The following FRMPD4 variants were observed in gnomAD, a reference collection of about 807,000 sequenced individuals.
FRMPD4 encodes the protein FERM and PDZ domain-containing protein 4.
FRMPD4 carries 22 observed loss-of-function variants against 94.1 expected under a neutral mutation model. The observed-to-expected ratio is 0.23, with a 90% CI of 0.17 to 0.33. The LOEUF (loss-of-function observed/expected upper bound fraction) is 0.33. Among genes scored for constraint, FRMPD4 ranks in the 10% least tolerant of loss-of-function variants. The probability of loss-of-function intolerance (pLI) is 1.00; values close to 1 mark genes in which losing one functional copy is unlikely to be tolerated. For missense variants in FRMPD4, 1,111 were observed against 1,339.9 expected (o/e 0.83, Z 2.67); for synonymous variants, 631 against 548.6 (o/e 1.15, Z -2.10).
chrX:12,332,085 T>A lies in FRMPD4; in HGVS notation c.42-166595T>A, dbSNP rs1569234733. Among the ~76,000 whole-genome samples, 121 of 62,221 alleles carry A rather than the reference T, an allele frequency of 1.9e-3. 25 individuals carry two copies. The highest frequency in any genetic ancestry group is 7.2e-3 in the African/African-American group (114 of 15,912). The allele number at this position is 62,221 out of a possible 115,157, so 54.0% of individuals were successfully genotyped here. A position where few individuals can be genotyped will look rare whatever the true frequency, so the allele number is the denominator to read the frequency against. ...AATATATAATTTATATTATATATAA[T>A]TTATATTATATATAATTTATATTAT... is the stretch of plus-strand genomic sequence containing the variant. On this transcript the variant is annotated intron_variant, in intron 1 of 16. Coordinates refer to ENST00000675598, the MANE Select transcript of FRMPD4 (RefSeq NM_001368397.1).
rs764564449 is a variant in FRMPD4 at position 12,619,955 on chromosome X, C to G, written c.422+5074C>G. On this transcript the variant is annotated intron_variant, in intron 4 of 16. Transcript: ENST00000675598. ...CACCCAGGGACACCCTGTGTCCCCT[C>G]AGGCAGGCCTACTGACCTCCATCTG... 2.0e-4 allele frequency among the ~76,000 whole-genome samples: 23 copies of G among 112,829 alleles called. No homozygotes were observed. In the East Asian group the frequency reaches 5.9e-3, roughly 29 times the overall value.
intron 5 of FRMPD4, among the ~76,000 whole-genome samples, chrX:12,680,209 G>A (rs1010006976): frequency 1.8e-5 from 2 of 112,065 alleles, no homozygotes; most frequent in African/African-American, 3.2e-5. Flanking sequence ...TTTGGAAAAT[G>A]TACAGGGGTT....
chrX:12,294,817 G>A (rs764470977), intron 1 of FRMPD4, among the ~76,000 whole-genome samples: 4 of 111,539 alleles, frequency 3.6e-5, no homozygotes, highest in Non-Finnish European at 5.7e-5. Context: ...GGGCGATAGC[G>A]CTGATCAAGG....
At chrX:12,580,543 C>T (rs1222940557) in intron 2 of FRMPD4, among the ~76,000 whole-genome samples, 1 of 112,220 alleles carries the variant, frequency 8.9e-6, no homozygotes, top group Non-Finnish European at 1.9e-5. Flanking sequence ...TAACAACATA[C>T]TATAATAAAA....
At chrX:11,850,274 AC>A (rs1396077280) in intron 1 of FRMPD4, among the ~76,000 whole-genome samples, 11 of 112,574 alleles carry the variant, frequency 9.8e-5, no homozygotes, top group Non-Finnish European at 1.1e-4. Context: ...AAAGAAACAA[AC>A]AAAAAACAGA....
chrX:12,351,366 G>C (rs1222102367), intron 1 of FRMPD4, among the ~76,000 whole-genome samples: 6 of 110,073 alleles, frequency 5.5e-5, no homozygotes, highest in Non-Finnish European at 3.8e-5. Flanking sequence ...GGTTCTTTAG[G>C]CTTGAATTTC....
intron 2 of FRMPD4, among the ~76,000 whole-genome samples, chrX:12,573,919 A>C (rs2058783611): frequency 8.9e-6 from 1 of 112,684 alleles, no homozygotes; most frequent in Non-Finnish European, 1.9e-5. Context: ...TTTTAATGTA[A>C]AGCAGTGCCA....
chrX:12,490,516 C>T (rs776083416), intron 1 of FRMPD4, among the ~76,000 whole-genome samples: 8 of 112,274 alleles, frequency 7.1e-5, no homozygotes, highest in South Asian at 3.7e-4. Context: ...ACAAACTAGG[C>T]ATTCAATCAA....
intron 9 of FRMPD4, among the ~76,000 whole-genome samples, chrX:12,701,555 C>G (rs912700544): frequency 8.9e-6 from 1 of 112,114 alleles, no homozygotes; most frequent in Non-Finnish European, 1.9e-5. Context: ...ATTATGCTAT[C>G]AATGCTGTGT....
intron 4 of FRMPD4, among the ~76,000 whole-genome samples, chrX:12,653,974 T>C (rs753179959): frequency 2.7e-5 from 3 of 111,594 alleles, no homozygotes; most frequent in Admixed American, 9.5e-5. Context: ...ACCATGTTGG[T>C]CAGGCTGGTC....
chrX:11,874,659 C>G (rs147176401), intron 2 of FRMPD4, among the ~76,000 whole-genome samples: 278 of 111,697 alleles, frequency 2.5e-3, no homozygotes, highest in African/African-American at 8.7e-3. Flanking sequence ...ACAGTGAATA[C>G]AGGTACTTGC....
intron 4 of FRMPD4, among the ~76,000 whole-genome samples, chrX:12,621,236 A>G (rs1281081022): frequency 9.0e-6 from 1 of 111,110 alleles, no homozygotes; most frequent in Non-Finnish European, 1.9e-5. Context: ...TCTAAAAAAA[A>G]GAAAACAAAA....
At chrX:12,359,704 A>C (rs1316307875) in intron 1 of FRMPD4, among the ~76,000 whole-genome samples, 2 of 111,450 alleles carry the variant, frequency 1.8e-5, no homozygotes. Context: ...TCCCGACCTC[A>C]TGATCCACCC....
At chrX:12,426,910 C>T (rs1223950536) in intron 1 of FRMPD4, among the ~76,000 whole-genome samples, 1 of 108,061 alleles carries the variant, frequency 9.3e-6, no homozygotes, top group Non-Finnish European at 1.9e-5. Context: ...GGATTAGAAT[C>T]CTGGCTCTAT....
At chrX:12,241,248 G>A (rs2057126495) in intron 1 of FRMPD4, among the ~76,000 whole-genome samples, 1 of 112,303 alleles carries the variant, frequency 8.9e-6, no homozygotes, top group African/African-American at 3.2e-5. Flanking sequence ...ATCAGGACAA[G>A]ACTGACTCAG....
At chrX:12,298,748 G>A (rs1308433075) in intron 1 of FRMPD4, among the ~76,000 whole-genome samples, 1 of 112,176 alleles carries the variant, frequency 8.9e-6, no homozygotes, top group Non-Finnish European at 1.9e-5. Context: ...AATTGGGCAG[G>A]GGTTAGTGTA....
intron 1 of FRMPD4, among the ~76,000 whole-genome samples, chrX:12,290,707 G>A (rs116808550): frequency 0.036 from 4,010 of 111,683 alleles, 191 homozygotes; most frequent in African/African-American, 0.12. Flanking sequence ...GCTATTTGAA[G>A]ATGTATTTAA....
At chrX:12,188,843 A>C (rs1157809425) in intron 1 of FRMPD4, among the ~76,000 whole-genome samples, 1 of 111,920 alleles carries the variant, frequency 8.9e-6, no homozygotes, top group Non-Finnish European at 1.9e-5. Flanking sequence ...ATTTTCTTAC[A>C]TGCAGTCTTA....
chrX:12,409,296 C>T (rs771280290), intron 1 of FRMPD4, among the ~76,000 whole-genome samples: 55 of 111,226 alleles, frequency 4.9e-4, no homozygotes, highest in Admixed American at 1.7e-3. Flanking sequence ...GACTAGATGC[C>T]GAAGATGCTG....
Sources: gnomAD v4.1 joint callset for allele counts (sites outside exome capture counted in the v4.1 genomes callset) on GRCh38, gnomAD v4.1.1 for gene constraint, MANE v1.5 for transcripts, NCBI Gene and HGNC (gene_info 2026-07-23, HGNC 2026-07-21) for gene names.